Variants in SSX2IP observed in about 807,000 individuals in gnomAD.
The protein encoded by SSX2IP is afadin- and alpha-actinin-binding protein.
Under a neutral mutation model 84.9 loss-of-function variants are expected in SSX2IP, and 55 were observed. That is an observed-to-expected ratio of 0.65 (90% CI 0.52 to 0.81). The LOEUF is 0.81. SSX2IP is among the 30% of genes least tolerant of loss of function. The pLI, the probability that SSX2IP is intolerant of heterozygous loss-of-function variation, is 0.00. For synonymous variants in SSX2IP, 239 were observed against 234.7 expected (o/e 1.02, Z -0.17); for missense variants, 664 against 705.2 (o/e 0.94, Z 0.66).
In SSX2IP at chr1:84,664,678, G is replaced by A. The variant is rs188727653; in HGVS notation, c.538-126C>T. The A allele has an allele frequency of 4.0e-5, 30 of 740,808 alleles. No homozygotes were observed. In the East Asian group the frequency reaches 9.2e-4, roughly 23 times the overall value. The allele number at this position is 740,808 out of a possible 1,614,324, so 45.9% of individuals were successfully genotyped here. A position where few individuals can be genotyped will look rare whatever the true frequency, so the allele number is the denominator to read the frequency against. ...GATGATTCTTCCTTATTTGTAACCA[G>A]TAGAAACCACTTTTTTAAATATTAT... On this transcript the variant is annotated intron_variant, in intron 5 of 13. Transcript: ENST00000342203.
chr1:84,669,683 T>C lies in SSX2IP; in HGVS notation c.424A>G (p.Lys142Glu). ...AAATATGGATCTGCAATTTCTACCT[T>C]AAGTTTTGAGTAGCAGCTCTGTAGA... The part of the protein sequence containing the change: ...DHLQSCYSKL[K>E]EQLETSRREM... The change falls in exon 4 of 14, where the codon AAG becomes GAG. Residue 142 changes from lysine (K) to glutamate (E), a missense_variant and splice_region_variant. Coordinates refer to ENST00000342203, the MANE Select transcript of SSX2IP (RefSeq NM_001166293.2). 1 of 1,612,570 alleles carries C rather than the reference T, an allele frequency of 6.2e-7. No individual in the cohort carries two copies. The highest frequency in any genetic ancestry group is 1.1e-5 in the South Asian group (1 of 90,902).
rs752842968 is a variant in SSX2IP, at chr1:84,650,534, T to C, written c.1505-7A>G. ...AGATTGTCCCAATCAGAACCTGTTG[T>C]AAAACAAGTAAGAGAAAAAGGCAGT... On this transcript the variant is annotated splice_polypyrimidine_tract_variant and splice_region_variant and intron_variant, in intron 12 of 13. Coordinates refer to ENST00000342203, the MANE Select transcript of SSX2IP (RefSeq NM_001166293.2). 6.2e-7 allele frequency: 1 copy of C among 1,613,958 alleles called. No homozygotes were observed. The highest frequency in any genetic ancestry group is 8.5e-7 in the Non-Finnish European group (1 of 1,179,916).
chr1:84,665,949 G>A (rs903707617), intron 5 of SSX2IP, among the ~76,000 whole-genome samples, 173 bp downstream of exon 5: 9 of 152,094 alleles, frequency 5.9e-5, no homozygotes, highest in African/African-American at 1.9e-4. Context: ...TAGTGGAGAG[G>A]GTTCCTGAGC....
At chr1:84,648,934 G>A (rs899036501) in intron 13 of SSX2IP, among the ~76,000 whole-genome samples, 2 of 152,026 alleles carry the variant, frequency 1.3e-5, no homozygotes, top group African/African-American at 4.8e-5. Flanking sequence ...CACTCCAATA[G>A]TGCCTCCTAA....
intron 11 of SSX2IP, among the ~76,000 whole-genome samples, chr1:84,652,879 A>G (rs2102202190): frequency 6.6e-6 from 1 of 150,960 alleles, no homozygotes; most frequent in South Asian, 2.1e-4. Context: ...CAAAACAAAA[A>G]AAATTAGCCG....
chr1:84,662,628 G>A (rs1205171018), intron 6 of SSX2IP, 98 bp from the exon 7 acceptor site: 35 of 1,260,052 alleles, frequency 2.8e-5, no homozygotes, highest in Non-Finnish European at 3.8e-5. Flanking sequence ...AAGTGAACCT[G>A]GTATATAGGT....
At position 84,662,183 on chromosome 1, in the gene SSX2IP, G is replaced by A. The variant is rs1030416834; in HGVS notation, c.927+15C>T. The A allele has an allele frequency of 1.3e-6, 2 of 1,537,334 alleles. No homozygotes were observed. The highest frequency in any genetic ancestry group is 2.8e-5 in the African/African-American group (2 of 71,800). On this transcript the variant is annotated intron_variant, in intron 8 of 13. Transcript: ENST00000342203. ...GCAATCTGAAGACTGTATTAGAGAG[G>A]AAAGAGCCACTTACAGTTCCTGTAC... is the stretch of plus-strand genomic sequence containing the variant.
chr1:84,659,913 G>A (rs1651687054), intron 8 of SSX2IP, among the ~76,000 whole-genome samples: 1 of 152,040 alleles, frequency 6.6e-6, no homozygotes, highest in African/African-American at 2.4e-5. Context: ...GCTCATGTCT[G>A]TAATCCCAAC....
At chr1:84,664,174 A>G (rs572481668) in intron 6 of SSX2IP, among the ~76,000 whole-genome samples, 3 of 152,256 alleles carry the variant, frequency 2.0e-5, no homozygotes, top group African/African-American at 7.2e-5. Flanking sequence ...GTTTTCCTCT[A>G]TGGATTAATT....
chr1:84,682,658 C>A (rs750695892), intron 1 of SSX2IP, among the ~76,000 whole-genome samples: 5 of 152,022 alleles, frequency 3.3e-5, no homozygotes, highest in Non-Finnish European at 7.4e-5. Context: ...GCGCATGCCA[C>A]CGCACCTGCT....
chr1:84,660,405 AGAT>A (rs1320396175), intron 8 of SSX2IP, among the ~76,000 whole-genome samples: 20 of 152,312 alleles, frequency 1.3e-4, no homozygotes, highest in African/African-American at 4.1e-4. Flanking sequence ...CAAAAACTGA[AGAT>A]GCTGCAGTAG....
intron 6 of SSX2IP, among the ~76,000 whole-genome samples, chr1:84,664,028 T>C (rs556845754): frequency 4.6e-5 from 7 of 152,306 alleles, no homozygotes; most frequent in African/African-American, 1.2e-4. Context: ...GAACTCAAAC[T>C]GACATGAACG....
chr1:84,662,726 T>A (rs2911564), intron 6 of SSX2IP, among the ~76,000 whole-genome samples, 196 bp from the exon 7 acceptor site: 109,161 of 151,988 alleles, frequency 0.72, 39,541 homozygotes, highest in Non-Finnish European at 0.77. Context: ...TTTAACTGCT[T>A]AGCCTGTTTC....
chr1:84,672,073 C>T (rs1178368338), intron 1 of SSX2IP, among the ~76,000 whole-genome samples: 1 of 152,268 alleles, frequency 6.6e-6, no homozygotes, highest in African/African-American at 2.4e-5. Context: ...ATGGTATGGA[C>T]TAAGTATAAG....
Position 84,676,085 on chromosome 1 carries a change from G to A in SSX2IP, c.-89-4777C>T, listed in dbSNP as rs1311493932. Among the ~76,000 whole-genome samples, 57 of 152,160 alleles carry A rather than the reference G, an allele frequency of 3.7e-4. 1 individual carries two copies. Among genetic ancestry groups the A allele is most frequent in the Non-Finnish European group, 4.4e-5 (3 of 68,044 alleles). ...GCAAAATAAGCTTTCTAAATTCCAAGATACAGCTACCCAAATTCCAAGATG... is the reference window on the plus strand; with the variant it reads ...GCAAAATAAGCTTTCTAAATTCCAAAATACAGCTACCCAAATTCCAAGATG... On this transcript the variant is annotated intron_variant, in intron 1 of 13. Coordinates refer to ENST00000342203, the MANE Select transcript of SSX2IP (RefSeq NM_001166293.2).
chr1:84,666,291 C>A, intron 4 of SSX2IP, 59 bp from the exon 5 acceptor site: 2 of 1,288,224 alleles, frequency 1.6e-6, no homozygotes, highest in South Asian at 2.5e-5. Context: ...ATAACTGAAT[C>A]CTTAAAATAT....
At chr1:84,679,717 T>C (rs1373640402) in intron 1 of SSX2IP, among the ~76,000 whole-genome samples, 1 of 152,228 alleles carries the variant, frequency 6.6e-6, no homozygotes, top group Non-Finnish European at 1.5e-5. Context: ...CTAAGTACAC[T>C]ATAACTAGGA....
At chr1:84,660,564 G>A (rs921373850) in intron 8 of SSX2IP, among the ~76,000 whole-genome samples, 7 of 152,172 alleles carry the variant, frequency 4.6e-5, no homozygotes, top group African/African-American at 1.7e-4. Flanking sequence ...TCGGGAATTT[G>A]AGACCAGCCT....
At chr1:84,689,083 T>C (rs1437356977) in intron 1 of SSX2IP, among the ~76,000 whole-genome samples, 1 of 152,226 alleles carries the variant, frequency 6.6e-6, no homozygotes, top group African/African-American at 2.4e-5. Context: ...TTCCTAAGCC[T>C]GTAGGTTGAT....
Sources: allele counts gnomAD v4.1 joint callset (sites outside exome capture counted in the v4.1 genomes callset), GRCh38; gene constraint gnomAD v4.1.1; transcripts MANE v1.5; gene names NCBI Gene and HGNC (gene_info 2026-07-23, HGNC 2026-07-21).